MIS18A: variants seen among roughly 807,000 people sequenced by gnomAD.
MIS18A encodes the protein MIS18 kinetochore protein A.
In MIS18A, 14 loss-of-function variants were observed where a neutral mutation model predicts 25.0. The ratio of observed to expected loss-of-function variants is 0.56; its 90% confidence interval spans 0.37 to 0.88. MIS18A has a LOEUF of 0.88. MIS18A is among the 40% of genes least tolerant of loss of function. MIS18A has a pLI of 0.00. For missense variants in MIS18A, 292 were observed against 290.8 expected, an observed-to-expected ratio of 1.00 and a Z score of -0.03; for synonymous variants, 134 against 118.6, an observed-to-expected ratio of 1.13 and a Z score of -0.84.
At chr21:32,218,819 C>T in the MIS18A span, among the ~76,000 whole-genome samples, 1 of 152,128 alleles carries the variant, frequency 6.6e-6, no homozygotes, top group East Asian at 1.9e-4. Flanking sequence ...TTATCAGCCA[C>T]TTTGGGAAGC....
At chr21:32,278,626 C>G in intron 1 of MIS18A, 55 bp downstream of exon 1, 1 of 1,437,052 alleles carries the variant, frequency 7.0e-7, no homozygotes, top group Non-Finnish European at 9.1e-7. Context: ...CCACGCGCGG[C>G]ACCCCTGGAA....
the MIS18A span, among the ~76,000 whole-genome samples, chr21:32,237,222 C>T: frequency 3.9e-5 from 6 of 152,198 alleles, no homozygotes; most frequent in African/African-American, 1.4e-4. Flanking sequence ...TTCCATCAGC[C>T]TTGGAACTGC....
chr21:32,193,509 T>C, the MIS18A span, among the ~76,000 whole-genome samples: 1 of 109,432 alleles, frequency 9.1e-6, no homozygotes, highest in Admixed American at 1.0e-4. Context: ...GATAGATAGA[T>C]AGATAGATAG....
chr21:32,232,414 T>A, the MIS18A span, among the ~76,000 whole-genome samples: 1 of 150,798 alleles, frequency 6.6e-6, no homozygotes, highest in Non-Finnish European at 1.5e-5. Context: ...ATATTACATA[T>A]ATCTTTATAT....
the MIS18A span, among the ~76,000 whole-genome samples, chr21:32,217,116 G>A: frequency 2.6e-5 from 4 of 152,108 alleles, no homozygotes; most frequent in East Asian, 7.7e-4. Flanking sequence ...GACCCATACA[G>A]GCTGAAAGAA....
chr21:32,175,366 A>G, the MIS18A span, among the ~76,000 whole-genome samples: 2 of 152,210 alleles, frequency 1.3e-5, no homozygotes, highest in African/African-American at 4.8e-5. Flanking sequence ...AGACTTTACA[A>G]ACATTGTACA....
the MIS18A span, among the ~76,000 whole-genome samples, chr21:32,202,051 G>C: frequency 6.6e-6 from 1 of 152,166 alleles, no homozygotes; most frequent in Non-Finnish European, 1.5e-5. Context: ...CACTTTAGGA[G>C]ACCAAGGAAT....
At chr21:32,207,372 A>G in the MIS18A span, among the ~76,000 whole-genome samples, 3 of 152,232 alleles carry the variant, frequency 2.0e-5, no homozygotes, top group Non-Finnish European at 4.4e-5. Flanking sequence ...TTTTTTACAT[A>G]AGTCGTTGGG....
At chr21:32,211,516 C>T in the MIS18A span, among the ~76,000 whole-genome samples, 4 of 152,198 alleles carry the variant, frequency 2.6e-5, no homozygotes, top group South Asian at 4.1e-4. Flanking sequence ...TAGGCTGTTT[C>T]GGGAGATGGC....
At chr21:32,192,469 T>C in the MIS18A span, among the ~76,000 whole-genome samples, 1 of 152,136 alleles carries the variant, frequency 6.6e-6, no homozygotes, top group Non-Finnish European at 1.5e-5. Context: ...CAAATTCTGC[T>C]GGGGAGCCCA....
chr21:32,174,288 G>A, the MIS18A span, among the ~76,000 whole-genome samples: 2 of 152,010 alleles, frequency 1.3e-5, no homozygotes. Context: ...TTGTCAGACT[G>A]CGTTTTTAAA....
chr21:32,241,000 A>G, the MIS18A span, among the ~76,000 whole-genome samples: 1 of 152,218 alleles, frequency 6.6e-6, no homozygotes, highest in Non-Finnish European at 1.5e-5. Context: ...TCTTTAAAGA[A>G]AGCAGCTGAA....
the MIS18A span, among the ~76,000 whole-genome samples, chr21:32,160,815 G>C: frequency 1.3e-5 from 2 of 152,076 alleles, no homozygotes; most frequent in African/African-American, 4.8e-5. Context: ...ATTTTTAGTA[G>C]AGACAGGGTT....
chr21:32,231,769 C>T, the MIS18A span, among the ~76,000 whole-genome samples: 1 of 151,960 alleles, frequency 6.6e-6, no homozygotes, highest in East Asian at 1.9e-4. Context: ...AAAAATTAGC[C>T]GGGCGTGGTG....
In MIS18A at chr21:32,279,005, C is replaced by G; in HGVS notation, c.10G>C (p.Val4Leu). 6.3e-7 allele frequency: 1 copy of G among 1,596,468 alleles called. No individual in the cohort carries two copies. Among genetic ancestry groups the G allele is most frequent in the Non-Finnish European group, 8.5e-7 (1 of 1,171,750 alleles). MAG[V>L]RSLRCSRGCA... ...CCTCTGCTACACCTCAGTGACCGAA[C>G]GCCTGCCATTACCTACAAATCGCCC... The change falls in exon 1 of 5, where the codon GTT becomes CTT. Residue 4 changes from valine to leucine, a missense_variant. Physicochemically the swap from Val to Leu is conservative, Grantham distance 32. Coordinates refer to ENST00000290130, the MANE Select transcript of MIS18A (RefSeq NM_018944.3).
chr21:32,270,568 G>A, intron 2 of MIS18A, 39 bp from the exon 3 acceptor site: 1 of 1,483,074 alleles, frequency 6.7e-7, no homozygotes, highest in African/African-American at 1.4e-5. Flanking sequence ...AAACGAAGCA[G>A]CAACTCATTA....
the MIS18A span, among the ~76,000 whole-genome samples, chr21:32,195,454 G>A: frequency 1.5e-4 from 23 of 152,200 alleles, no homozygotes; most frequent in Non-Finnish European, 2.8e-4. Flanking sequence ...CAAGGCAGGA[G>A]CTCTTCTTCC....
chr21:32,191,409 G>C, the MIS18A span, among the ~76,000 whole-genome samples: 3 of 152,102 alleles, frequency 2.0e-5, no homozygotes, highest in South Asian at 6.2e-4. Flanking sequence ...GAGAAACATA[G>C]CAAGACCCGA....
chr21:32,180,056 A>C, the MIS18A span, among the ~76,000 whole-genome samples: 22 of 152,236 alleles, frequency 1.4e-4, no homozygotes, highest in African/African-American at 5.1e-4. Flanking sequence ...TGTTTCAAAG[A>C]AACCCAGAAC....
Sources: gnomAD v4.1 joint callset for allele counts (sites outside exome capture counted in the v4.1 genomes callset) on GRCh38, gnomAD v4.1.1 for gene constraint, MANE v1.5 for transcripts, NCBI Gene and HGNC (gene_info 2026-07-23, HGNC 2026-07-21) for gene names.